Variants in RTN4 observed in about 807,000 individuals in gnomAD.
RTN4 encodes reticulon 4, also known as reticulon-4.
A neutral mutation model predicts 90.4 loss-of-function variants in RTN4; 32 were observed. The ratio of observed to expected loss-of-function variants is 0.35; its 90% CI spans 0.27 to 0.48. RTN4 has a LOEUF of 0.48. RTN4 is among the 20% of genes least tolerant of loss of function. The pLI, the probability that RTN4 is intolerant of heterozygous loss-of-function variation, is 0.99. For missense variants in RTN4, 1,706 were observed against 1,430.2 expected (o/e 1.19, Z -3.11); for synonymous variants, 629 against 552.5 (o/e 1.14, Z -1.94).
intron 3 of RTN4, among the ~76,000 whole-genome samples, chr2:55,004,404 C>T (rs1174383318): frequency 6.6e-6 from 1 of 151,998 alleles, no homozygotes; most frequent in Admixed American, 6.6e-5. Flanking sequence ...CCTGTGTGGG[C>T]CTGACAAATA....
At chr2:54,979,240 T>A (rs1167710521) in intron 5 of RTN4, among the ~76,000 whole-genome samples, 1 of 144,582 alleles carries the variant, frequency 6.9e-6, no homozygotes, top group Non-Finnish European at 1.5e-5. Context: ...TTTTTTTTTT[T>A]ATAGAAACAG....
At chr2:55,053,999 T>C (rs1048149114), upstream of RTN4, among the ~76,000 whole-genome samples, 1 of 152,168 alleles carries the variant, frequency 6.6e-6, no homozygotes, top group African/African-American at 2.4e-5. Flanking sequence ...AGAAATTCCT[T>C]ATTGGTACAA....
chr2:54,998,437 T>C (rs1679614715), intron 3 of RTN4, among the ~76,000 whole-genome samples: 1 of 152,206 alleles, frequency 6.6e-6, no homozygotes, highest in African/African-American at 2.4e-5. Flanking sequence ...AATGAATGAA[T>C]ACCTTATGAC....
In RTN4 at chr2:55,050,004, G is replaced by A. The variant is rs763781497; in HGVS notation, c.297C>T (p.Pro99=). The change falls in exon 1 of 9, where the codon CCC becomes CCT. Residue 99 remains proline (P), a synonymous_variant. Coordinates refer to ENST00000337526, the MANE Select transcript of RTN4 (RefSeq NM_020532.5). This position sits in a 1 kb window ranked among gnomAD's most constrained non-coding sequence, Gnocchi z 4.6. ...APRGPLPAAP[P]VAPERQPSWD... The stretch of plus-strand genomic sequence containing the variant: ...AAGACGGCTGCCGCTCCGGGGCGAC[G>A]GGGGGAGCGGCCGGCAGGGGTCCCC... The A allele has an allele frequency of 5.8e-6, 8 of 1,375,896 alleles. No homozygotes were observed. Among genetic ancestry groups the A allele is most frequent in the Non-Finnish European group, 7.5e-6 (8 of 1,071,616 alleles). 85.2% of individuals were successfully genotyped at this position (1,375,896 alleles called of 1,614,324 possible). A position where few individuals can be genotyped will look rare whatever the true frequency, so the allele number is the denominator to read the frequency against.
Position 55,104,439 on chromosome 2 carries a change from G to A in RTN4, c.-214+8081C>T, listed in dbSNP as rs112066010. On this transcript the variant is annotated intron_variant, in intron 1 of 3. Coordinates refer to the RTN4 transcript ENST00000427710. ...GCGATCTCAGCTCACTGCAACCTCC[G>A]CCTCCTGGGTTCATGATTCTCGTGC... is the stretch of plus-strand genomic sequence containing the variant. Among the ~76,000 whole-genome samples, 398 of 151,478 alleles carry A rather than the reference G, an allele frequency of 2.6e-3. 2 individuals are homozygous for A. The highest frequency in any genetic ancestry group is 4.8e-3 in the Non-Finnish European group (326 of 67,860).
At chr2:55,110,231 A>C (rs1668014025) in intron 1 of RTN4, among the ~76,000 whole-genome samples, 1 of 149,622 alleles carries the variant, frequency 6.7e-6, no homozygotes, top group Non-Finnish European at 1.5e-5. Flanking sequence ...GGATTGCTTG[A>C]GCCTGGGAGG....
intron 3 of RTN4, among the ~76,000 whole-genome samples, chr2:55,016,329 T>C (rs1030932124): frequency 1.3e-5 from 2 of 152,208 alleles, no homozygotes; most frequent in African/African-American, 4.8e-5. Context: ...ATGCCTTTAA[T>C]CCCAGCACTT....
At chr2:55,000,306 T>G (rs1679761363) in intron 3 of RTN4, among the ~76,000 whole-genome samples, 1 of 152,194 alleles carries the variant, frequency 6.6e-6, no homozygotes, top group Admixed American at 6.5e-5. Context: ...GCATCTGTCT[T>G]GGCTATCTCC....
intron 1 of RTN4, among the ~76,000 whole-genome samples, chr2:55,098,583 A>G (rs533881810): frequency 6.6e-6 from 1 of 152,124 alleles, no homozygotes; most frequent in Non-Finnish European, 1.5e-5. Flanking sequence ...ATATTATCAC[A>G]CCCCAAAAAA....
At chr2:55,014,283 C>T (rs1680867175) in intron 3 of RTN4, 1 of 151,836 alleles carries the variant, frequency 6.6e-6, no homozygotes, top group Non-Finnish European at 1.5e-5. Context: ...ACATAAGGTA[C>T]CAAAAATGAA....
At chr2:55,094,058 G>A (rs1217149673) in intron 1 of RTN4, among the ~76,000 whole-genome samples, 2 of 152,230 alleles carry the variant, frequency 1.3e-5, no homozygotes, top group Non-Finnish European at 1.5e-5. Context: ...GTTATGGACT[G>A]AATCATGTTC....
intron 3 of RTN4, among the ~76,000 whole-genome samples, chr2:55,003,835 G>A (rs1195067828): frequency 2.0e-5 from 3 of 152,066 alleles, no homozygotes; most frequent in East Asian, 1.9e-4. Context: ...CAAGATGTGC[G>A]TAGGTTTTAC....
intron 7 of RTN4, 75 bp downstream of exon 7, chr2:54,973,746 C>A: frequency 1.3e-6 from 2 of 1,511,500 alleles, no homozygotes. Flanking sequence ...TGAAAATGGG[C>A]ACTAATACAT....
At chr2:55,084,145 T>C (rs572346270) in intron 1 of RTN4, among the ~76,000 whole-genome samples, 11 of 152,170 alleles carry the variant, frequency 7.2e-5, no homozygotes, top group Admixed American at 6.5e-4. Flanking sequence ...TAAGCCTCCA[T>C]AAAAATCCCC....
In RTN4 at chr2:54,972,189, T is replaced by C. The variant is rs200336343; in HGVS notation, c.*967A>G. ...CATGAAATGAAAATACCAAAGCATA[T>C]TTTAAGTCTATAAGCTTTATTGATA... On this transcript the variant is annotated 3_prime_UTR_variant, in exon 9 of 9. Transcript: ENST00000337526. 1 of 152,680 alleles carries C rather than the reference T, an allele frequency of 6.5e-6. No homozygotes were observed. Among genetic ancestry groups the C allele is most frequent in the Non-Finnish European group, 1.5e-5 (1 of 68,054 alleles). The allele number at this position is 152,680 out of a possible 1,614,324, so 9.5% of individuals were successfully genotyped here.
At chr2:55,076,775 T>A (rs534674025) in intron 2 of RTN4, among the ~76,000 whole-genome samples, 1 of 152,130 alleles carries the variant, frequency 6.6e-6, no homozygotes, top group African/African-American at 2.4e-5. Flanking sequence ...AAGTGAATCA[T>A]GGGGGTGGTT....
chr2:54,978,968 TAA>T lies in RTN4; in HGVS notation c.3360+3545_3360+3546del, dbSNP rs551570408. 2.0e-4 allele frequency among the ~76,000 whole-genome samples: 31 copies of T among 152,176 alleles called. No homozygotes were observed. The East Asian group carries it at 5.8e-3, about 28-fold the overall frequency. ...TTGCTTGCTTTAGGGTGACAGAATATAACTTTCCCTACCAGTTTTTGTGGCTA... is the reference window on the plus strand; with the variant it reads ...TTGCTTGCTTTAGGGTGACAGAATATCTTTCCCTACCAGTTTTTGTGGCTA... On this transcript the variant is annotated intron_variant, in intron 5 of 8. Transcript: ENST00000337526.
intron 1 of RTN4, among the ~76,000 whole-genome samples, chr2:55,033,206 A>G (rs1682448458): frequency 6.6e-6 from 1 of 152,176 alleles, no homozygotes; most frequent in Non-Finnish European, 1.5e-5. Flanking sequence ...AAAATCAAAG[A>G]TAGAGACAAC....
chr2:54,997,970 G>A (rs990817364), intron 3 of RTN4, among the ~76,000 whole-genome samples: 4 of 152,070 alleles, frequency 2.6e-5, no homozygotes, highest in Non-Finnish European at 4.4e-5. Context: ...TAGGGCATAC[G>A]CTAGGGGTCT....
Sources: allele counts gnomAD v4.1 joint callset (sites outside exome capture counted in the v4.1 genomes callset), GRCh38; gene constraint gnomAD v4.1.1; non-coding constraint Gnocchi (gnomAD v3.1); transcripts MANE v1.5; gene names NCBI Gene and HGNC (gene_info 2026-07-23, HGNC 2026-07-21).